DENND1B: variants seen among roughly 807,000 people sequenced by gnomAD.
The protein encoded by DENND1B is DENN domain containing 1B.
In DENND1B, 59 loss-of-function variants were observed where a neutral mutation model predicts 90.1. That is an observed-to-expected ratio of 0.65 (90% CI 0.53 to 0.81). DENND1B has a LOEUF of 0.81. Among genes scored for constraint, DENND1B ranks in the 40% least tolerant of loss-of-function variants. The pLI is 0.00. For missense variants in DENND1B, 862 were observed against 912.6 expected (o/e 0.94, Z 0.71); for synonymous variants, 337 against 324.6 (o/e 1.04, Z -0.41).
chr1:197,600,657 C>T (rs1318946924), intron 13 of DENND1B, among the ~76,000 whole-genome samples: 4 of 151,690 alleles, frequency 2.6e-5, no homozygotes, highest in African/African-American at 9.7e-5. Context: ...AGCAGCTTAG[C>T]TTGTACCCTA....
chr1:197,529,098 A>C (rs1163822308), intron 20 of DENND1B, among the ~76,000 whole-genome samples: 1 of 151,188 alleles, frequency 6.6e-6, no homozygotes, highest in Non-Finnish European at 1.5e-5. Flanking sequence ...ACTGCAAATG[A>C]AAAATAACTT....
intron 6 of DENND1B, 58 bp downstream of exon 6, chr1:197,658,242 T>A: frequency 2.2e-6 from 3 of 1,349,872 alleles, no homozygotes; most frequent in Non-Finnish European, 3.2e-6. Flanking sequence ...GTTAAAATGG[T>A]AAGTTTTGTG....
chr1:197,536,813 G>A (rs1407389922), intron 20 of DENND1B, among the ~76,000 whole-genome samples: 22 of 151,872 alleles, frequency 1.4e-4, no homozygotes, highest in African/African-American at 2.9e-4. Context: ...AGGCCGAGGC[G>A]GGCAGATCAT....
chr1:197,525,728 T>C (rs1669092795), intron 20 of DENND1B, among the ~76,000 whole-genome samples: 1 of 152,068 alleles, frequency 6.6e-6, no homozygotes, highest in Non-Finnish European at 1.5e-5. Flanking sequence ...CATATTAATA[T>C]ATAATGAACA....
At chr1:197,518,308 T>C (rs913661105) in intron 20 of DENND1B, among the ~76,000 whole-genome samples, 6 of 151,910 alleles carry the variant, frequency 3.9e-5, no homozygotes, top group African/African-American at 1.2e-4. Context: ...ACAAATTGTA[T>C]AACCAACGCC....
At chr1:197,763,838 G>T (rs1481389368) in intron 2 of DENND1B, among the ~76,000 whole-genome samples, 1 of 152,080 alleles carries the variant, frequency 6.6e-6, no homozygotes, top group African/African-American at 2.4e-5. Flanking sequence ...CTCTACCACA[G>T]CCTTTACTAC....
At chr1:197,617,493 G>A (rs537929158) in intron 11 of DENND1B, among the ~76,000 whole-genome samples, 166 bp downstream of exon 11, 1 of 151,190 alleles carries the variant, frequency 6.6e-6, no homozygotes, top group Non-Finnish European at 1.5e-5. Context: ...CGCTACCTTT[G>A]TACAGAATTA....
chr1:197,713,801 T>TATATTATA (rs1483373450), intron 3 of DENND1B, among the ~76,000 whole-genome samples: 471 of 32,602 alleles, frequency 0.014, 9 homozygotes, highest in Non-Finnish European at 0.024. Context: ...TATTATTATA[T>TATATTATA]TATAATATAT....
chr1:197,556,544 C>G (rs1671733634), intron 15 of DENND1B, among the ~76,000 whole-genome samples: 1 of 151,880 alleles, frequency 6.6e-6, no homozygotes, highest in Admixed American at 6.6e-5. Context: ...AGGACAAGGA[C>G]CATACATTAC....
intron 3 of DENND1B, among the ~76,000 whole-genome samples, chr1:197,701,954 A>T (rs538082590): frequency 6.6e-6 from 1 of 152,192 alleles, no homozygotes; most frequent in African/African-American, 2.4e-5. Flanking sequence ...ATAACTAAAA[A>T]CACCACCAAA....
chr1:197,545,986 C>A lies in DENND1B; in HGVS notation c.1286G>T (p.Gly429Val). 1 of 1,599,706 alleles carries A rather than the reference C, an allele frequency of 6.3e-7. No individual in the cohort carries two copies. Among genetic ancestry groups the A allele is most frequent in the Non-Finnish European group, 8.5e-7 (1 of 1,176,426 alleles). ...CATTGCTGTGTTGAACAGTGCACCT[C>A]CTTTCTGCAAAAGAAAAACAGAAAC... ...YQQWVHTVKKGGALFNTAMTK... is the reference protein window; with the variant it reads ...YQQWVHTVKKVGALFNTAMTK... The change falls in exon 18 of 23, where the codon GGA (glycine) becomes GTA (valine). Residue 429 changes from glycine (G) to valine (V), a missense_variant. By Grantham distance (109) the Gly-to-Val change is moderately radical. Coordinates refer to ENST00000620048, the MANE Select transcript of DENND1B (RefSeq NM_001195215.2).
chr1:197,753,998 CA>C (rs1653926017), intron 2 of DENND1B, among the ~76,000 whole-genome samples: 1 of 150,436 alleles, frequency 6.6e-6, no homozygotes, highest in African/African-American at 2.4e-5. Flanking sequence ...GATTCTAAAT[CA>C]AAAAAACAAT....
chr1:197,575,324 T>A (rs1276932127), intron 15 of DENND1B, among the ~76,000 whole-genome samples: 1 of 151,524 alleles, frequency 6.6e-6, no homozygotes, highest in Non-Finnish European at 1.5e-5. Context: ...AACAGACATA[T>A]GAAAAAAGGG....
At chr1:197,695,626 G>A (rs1467078163) in intron 3 of DENND1B, among the ~76,000 whole-genome samples, 3 of 150,614 alleles carry the variant, frequency 2.0e-5, no homozygotes, top group African/African-American at 7.3e-5. Flanking sequence ...TCAAAAATTG[G>A]TTCAAGACAT....
At chr1:197,625,679 G>A (rs926610005) in intron 10 of DENND1B, among the ~76,000 whole-genome samples, 1 of 152,032 alleles carries the variant, frequency 6.6e-6, no homozygotes, top group Non-Finnish European at 1.5e-5. Context: ...AACTTTAAAT[G>A]TAAATGGACT....
At chr1:197,742,232 A>G (rs1267242053) in intron 2 of DENND1B, among the ~76,000 whole-genome samples, 1 of 152,138 alleles carries the variant, frequency 6.6e-6, no homozygotes, top group Non-Finnish European at 1.5e-5. Context: ...ATAACCACAA[A>G]CTAATCTGTC....
chr1:197,681,955 T>TTTTTTG (rs554186105), intron 3 of DENND1B, among the ~76,000 whole-genome samples: 2 of 152,164 alleles, frequency 1.3e-5, no homozygotes, highest in East Asian at 1.9e-4. Context: ...TAACCTTGGT[T>TTTTTTG]TTTTTGTTTT....
intron 3 of DENND1B, among the ~76,000 whole-genome samples, chr1:197,703,429 T>C (rs1224057324): frequency 6.6e-6 from 1 of 152,172 alleles, no homozygotes; most frequent in African/African-American, 2.4e-5. Context: ...TGTATTATAT[T>C]AGAAATTAAA....
intron 13 of DENND1B, chr1:197,605,971 T>C (rs962511159): frequency 2.6e-5 from 4 of 151,134 alleles, no homozygotes; most frequent in Non-Finnish European, 5.9e-5. Context: ...TCCTTAATAA[T>C]GGATTTCAAA....
Sources: allele counts gnomAD v4.1 joint callset (sites outside exome capture counted in the v4.1 genomes callset), GRCh38; gene constraint gnomAD v4.1.1; transcripts MANE v1.5; gene names NCBI Gene and HGNC (gene_info 2026-07-23, HGNC 2026-07-21).